Variants in FTO observed in about 807,000 individuals in gnomAD.
FTO encodes FTO alpha-ketoglutarate dependent dioxygenase.
In FTO, 47 loss-of-function variants were observed where a neutral mutation model predicts 63.9. The ratio of observed to expected loss-of-function variants is 0.74; its 90% CI spans 0.58 to 0.94. The LOEUF (loss-of-function observed/expected upper bound fraction) is 0.94, where lower values mean the gene tolerates loss of function less well. FTO is among the 40% of genes least tolerant of loss of function. The probability of loss-of-function intolerance (pLI) is 0.00; values close to 1 mark genes in which losing one functional copy is unlikely to be tolerated. For missense variants in FTO, 562 were observed against 618.1 expected, an observed-to-expected ratio of 0.91 and a Z score of 0.96; for synonymous variants, 207 against 224.4, an observed-to-expected ratio of 0.92 and a Z score of 0.69.
chr16:53,706,667 G>A (rs1057026906), intron 1 of FTO, among the ~76,000 whole-genome samples: 7 of 152,118 alleles, frequency 4.6e-5, no homozygotes, highest in Admixed American at 4.6e-4. Flanking sequence ...CCAAAGTACT[G>A]GGATTATAGG....
At chr16:54,022,450 T>C (rs1359839201) in intron 8 of FTO, among the ~76,000 whole-genome samples, 6 of 152,350 alleles carry the variant, frequency 3.9e-5, no homozygotes, top group South Asian at 4.1e-4. Context: ...TTTCCAGACC[T>C]GTCTCTTGAC....
chr16:53,903,137 A>T (rs997867123), intron 7 of FTO, among the ~76,000 whole-genome samples: 3 of 152,176 alleles, frequency 2.0e-5, no homozygotes, highest in African/African-American at 7.2e-5. Context: ...AAACAAAGTT[A>T]TAAAAGCCTA....
intron 8 of FTO, among the ~76,000 whole-genome samples, chr16:53,954,614 G>A (rs1599077665): frequency 2.0e-5 from 3 of 152,272 alleles, no homozygotes; most frequent in Non-Finnish European, 2.9e-5. Context: ...GGGTGCTGGT[G>A]TGGCTGCAGG....
chr16:54,074,895 G>GGAGAGA (rs71380061), intron 8 of FTO, among the ~76,000 whole-genome samples: 1 of 141,872 alleles, frequency 7.0e-6, no homozygotes, highest in Admixed American at 7.2e-5. Context: ...CTGGAAAGAG[G>GGAGAGA]GAGAGAGAGA....
chr16:53,916,652 C>T (rs1229122230), intron 7 of FTO, among the ~76,000 whole-genome samples: 1 of 152,162 alleles, frequency 6.6e-6, no homozygotes, highest in Non-Finnish European at 1.5e-5. Context: ...TAAATGTATA[C>T]ACAGAGCACT....
In FTO at chr16:53,888,872, A is replaced by G. The variant is rs2081076505; in HGVS notation, c.1160A>G (p.Asn387Ser). ...CTGAGGCAGTTTTGGTTTCAAGGCA[A>G]TCGATACAGAAAGTGCACTGACTGG... Reference protein sequence around the residue: ...EWLRQFWFQGNRYRKCTDWWC... With the variant: ...EWLRQFWFQGSRYRKCTDWWC... Residue 387 changes from asparagine (N) to serine (S), a missense_variant, in exon 7 of 9, where the codon AAT (asparagine) becomes AGT (serine). Asn to Ser is a conservative substitution (Grantham distance 46). Coordinates refer to ENST00000471389, the MANE Select transcript of FTO (RefSeq NM_001080432.3). 3 of 1,613,940 alleles carry G rather than the reference A, an allele frequency of 1.9e-6. No individual in the cohort carries two copies. The highest frequency in any genetic ancestry group is 1.3e-5 in the African/African-American group (1 of 74,914).
rs78681752 is a variant in FTO at position 53,705,714 on chromosome 16, C to T, written c.45+1485C>T. On this transcript the variant is annotated intron_variant, in intron 1 of 8. Transcript: ENST00000471389. ...ATATTAAAGATAAGCACAAAGAGGG[C>T]GACCCTTCTGCTTTAGTCTACACAG... 4.5e-3 allele frequency among the ~76,000 whole-genome samples: 687 copies of T among 152,246 alleles called. 6 individuals are homozygous for T. The highest frequency in any genetic ancestry group is 0.015 in the African/African-American group (636 of 41,544).
intron 8 of FTO, among the ~76,000 whole-genome samples, chr16:53,957,175 C>G (rs1372928370): frequency 6.6e-6 from 1 of 152,142 alleles, no homozygotes; most frequent in Non-Finnish European, 1.5e-5. Flanking sequence ...GCATTTCTGA[C>G]AGACGTGTAA....
chr16:53,848,894 G>A (rs2079708440), intron 4 of FTO, among the ~76,000 whole-genome samples: 1 of 152,122 alleles, frequency 6.6e-6, no homozygotes, highest in Admixed American at 6.5e-5. Flanking sequence ...TTCTTTACAT[G>A]TCACCATTCA....
At chr16:53,810,061 C>T (rs2078480023) in intron 1 of FTO, 79 bp from the exon 2 acceptor site, 3 of 956,666 alleles carry the variant, frequency 3.1e-6, no homozygotes, top group South Asian at 2.8e-5. Flanking sequence ...TGTTTGTATT[C>T]TCTTATTGGA....
chr16:53,713,385 G>A (rs955273003), intron 1 of FTO, among the ~76,000 whole-genome samples: 1 of 152,130 alleles, frequency 6.6e-6, no homozygotes, highest in East Asian at 1.9e-4. Context: ...TAGAGGAGAG[G>A]AACTTTTGTT....
rs1258491922 is a variant in FTO, at chr16:54,116,641, T to G, written c.*4726T>G. The G allele has an allele frequency of 2.6e-5, 4 of 151,620 alleles. No homozygotes were observed. The allele number at this position is 151,620 out of a possible 1,614,324, so 9.4% of individuals were successfully genotyped here. A position where few individuals can be genotyped will look rare whatever the true frequency, so the allele number is the denominator to read the frequency against. The stretch of plus-strand genomic sequence containing the variant: ...ATGGGTGGGAGGAGGGGAAGCCGGC[T>G]AAGAATGACTTCCTGCAAGACAGCA... On this transcript the variant is annotated 3_prime_UTR_variant, in exon 9 of 9. Transcript: ENST00000471389.
intron 4 of FTO, among the ~76,000 whole-genome samples, chr16:53,854,011 A>T (rs12445591): frequency 6.6e-6 from 1 of 151,932 alleles, no homozygotes; most frequent in Admixed American, 6.6e-5. Context: ...AATAATGGTC[A>T]TTCTGGCTAG....
At chr16:53,949,281 T>C (rs2082718110) in intron 8 of FTO, among the ~76,000 whole-genome samples, 1 of 152,228 alleles carries the variant, frequency 6.6e-6, no homozygotes, top group South Asian at 2.1e-4. Flanking sequence ...AGATGTCATG[T>C]GGCCAGAATC....
intron 8 of FTO, among the ~76,000 whole-genome samples, chr16:54,074,942 G>GTGTGTGTGTGTGTGTGTA (rs1555506077): frequency 2.1e-4 from 31 of 148,688 alleles, no homozygotes; most frequent in African/African-American, 7.3e-4. Context: ...GTGTGTGTGT[G>GTGTGTGTGTGTGTGTGTA]TGTGTGTGTG....
intron 1 of FTO, among the ~76,000 whole-genome samples, chr16:53,807,556 T>C (rs1161169556): frequency 6.6e-6 from 1 of 152,218 alleles, no homozygotes; most frequent in Non-Finnish European, 1.5e-5. Flanking sequence ...TAATTACTTT[T>C]GGGAATCCAT....
chr16:53,765,362 G>A (rs1281741873), intron 1 of FTO, among the ~76,000 whole-genome samples: 1 of 78,240 alleles, frequency 1.3e-5, no homozygotes, highest in Non-Finnish European at 2.9e-5. Flanking sequence ...TTCGAGACCA[G>A]CCTGGGCAAT....
chr16:53,930,525 T>G (rs1295304200), intron 7 of FTO, among the ~76,000 whole-genome samples: 5 of 152,154 alleles, frequency 3.3e-5, no homozygotes, highest in Non-Finnish European at 2.9e-5. Context: ...GCCAGGCCAA[T>G]TATCTTCTCA....
At chr16:53,812,308 G>C (rs1284621947) in intron 2 of FTO, among the ~76,000 whole-genome samples, 1 of 148,362 alleles carries the variant, frequency 6.7e-6, no homozygotes, top group African/African-American at 2.5e-5. Context: ...TAGCTGTGTT[G>C]TGTGCAGGCT....
Sources: gnomAD v4.1 joint callset for allele counts (sites outside exome capture counted in the v4.1 genomes callset) on GRCh38, gnomAD v4.1.1 for gene constraint, MANE v1.5 for transcripts, NCBI Gene and HGNC (gene_info 2026-07-23, HGNC 2026-07-21) for gene names.